CDHR1: variants seen among roughly 807,000 people sequenced by gnomAD.
CDHR1 encodes the protein cadherin-related family member 1.
In CDHR1, 61 loss-of-function variants were observed where a neutral mutation model predicts 72.1. The ratio of observed to expected loss-of-function variants is 0.85; its 90% CI spans 0.69 to 1.05. The LOEUF is 1.05. Among genes scored for constraint, CDHR1 ranks in the 50% least tolerant of loss-of-function variants. The pLI is 0.00. For synonymous variants in CDHR1, 470 were observed against 448.1 expected (o/e 1.05, Z -0.62); for missense variants, 1,186 against 1,115.7 (o/e 1.06, Z -0.90).
intron 5 of CDHR1, 89 bp from the exon 6 acceptor site, chr10:84,200,511 CG>C: frequency 1.2e-6 from 1 of 843,228 alleles, no homozygotes; most frequent in Non-Finnish European, 2.0e-6. Flanking sequence ...CTTCACTCCC[CG>C]ACCCCACTGC....
rs1049486175 is a variant in CDHR1 at position 84,218,483 on chromosome 10, G to T, written c.*3862G>T. 6 of 985,302 alleles carry T rather than the reference G, an allele frequency of 6.1e-6. No individual in the cohort carries two copies. Among genetic ancestry groups the T allele is most frequent in the Non-Finnish European group, 7.2e-6 (6 of 829,946 alleles). The allele number at this position is 985,302 out of a possible 1,614,324, so 61.0% of individuals were successfully genotyped here. A position where few individuals can be genotyped will look rare whatever the true frequency, so the allele number is the denominator to read the frequency against. On this transcript the variant is annotated 3_prime_UTR_variant, in exon 17 of 17. Transcript: ENST00000623527. ...TTCTGTGCCAGGCTCTCTTCTAGGT[G>T]TTAGGTGTATGTCTCTAACAAGATA...
At position 84,212,292 on chromosome 10, in the gene CDHR1, A is replaced by G; in HGVS notation, c.1667A>G (p.Lys556Arg). 1 of 1,614,246 alleles carries G rather than the reference A, an allele frequency of 6.2e-7. No individual in the cohort carries two copies. Among genetic ancestry groups the G allele is most frequent in the Non-Finnish European group, 8.5e-7 (1 of 1,180,042 alleles). Residue 556 changes from lysine to arginine, a missense_variant, in exon 15 of 17, where the codon AAG (lysine) becomes AGG (arginine). Lys to Arg is a conservative substitution (Grantham distance 26). Coordinates refer to ENST00000623527, the MANE Select transcript of CDHR1 (RefSeq NM_033100.4). ...FYVKAEDMEGKYSVAEVFITL... is the reference protein window; with the variant it reads ...FYVKAEDMEGRYSVAEVFITL... ...GTGAAGGCAGAGGACATGGAAGGCA[A>G]GTACAGCGTAGCTGAGGTGTTTATC...
intron 9 of CDHR1, 47 bp from the exon 10 acceptor site, chr10:84,205,780 C>A: frequency 7.3e-7 from 1 of 1,375,916 alleles, no homozygotes; most frequent in Non-Finnish European, 1.0e-6. Flanking sequence ...TCCCCTGCGC[C>A]TCCCTGTGGT....
rs1405505262 is a variant in CDHR1 at position 84,217,976 on chromosome 10, C to T, written c.*3355C>T. On this transcript the variant is annotated 3_prime_UTR_variant, in exon 17 of 17. Coordinates refer to ENST00000623527, the MANE Select transcript of CDHR1 (RefSeq NM_033100.4). ...TGTGATCAGAGCTGGGAAGGAGCCA[C>T]CATGCTCTGCTTCTCTAAGGATTTC... 2.0e-6 allele frequency: 2 copies of T among 985,346 alleles called. No homozygotes were observed. Among genetic ancestry groups the T allele is most frequent in the African/African-American group, 1.7e-5 (1 of 57,246 alleles). 61.0% of individuals were successfully genotyped at this position (985,346 alleles called of 1,614,324 possible).
chr10:84,203,772 C>T (rs937242842), intron 8 of CDHR1, among the ~76,000 whole-genome samples: 5 of 152,158 alleles, frequency 3.3e-5, no homozygotes, highest in African/African-American at 4.8e-5. Flanking sequence ...GTGGTGGAGA[C>T]GGGCTCAGAG....
Position 84,217,126 on chromosome 10 carries a change from T to C in CDHR1, c.*2505T>C, listed in dbSNP as rs1842438111. On this transcript the variant is annotated 3_prime_UTR_variant, in exon 17 of 17. Coordinates refer to ENST00000623527, the MANE Select transcript of CDHR1 (RefSeq NM_033100.4). ...AAACTTAAGGCACCGGCAAGTGTTG[T>C]CAGCACTGGAGGAGACCCCGCCAGT... 2 of 985,494 alleles carry C rather than the reference T, an allele frequency of 2.0e-6. No homozygotes were observed. Among genetic ancestry groups the C allele is most frequent in the East Asian group, 1.1e-4 (1 of 8,826 alleles). The allele number at this position is 985,494 out of a possible 1,614,324, so 61.0% of individuals were successfully genotyped here.
rs375173256 is a variant in CDHR1, at chr10:84,210,965, C to T, written c.1321-36C>T. On this transcript the variant is annotated intron_variant, in intron 12 of 16. Coordinates refer to ENST00000623527, the MANE Select transcript of CDHR1 (RefSeq NM_033100.4). ...GGAAGGCTCTCTGCAGCATGAGTGC[C>T]TACCCAGACAAGTCCCCATTTTCCC... 6 of 1,612,910 alleles carry T rather than the reference C, an allele frequency of 3.7e-6. No homozygotes were observed. In the African/African-American group the frequency reaches 6.7e-5, roughly 18 times the overall value.
chr10:84,214,516 C>G lies in CDHR1; in HGVS notation c.2475C>G (p.Pro825=), dbSNP rs1414351569. 6.2e-7 allele frequency: 1 copy of G among 1,604,104 alleles called. No individual in the cohort carries two copies. The highest frequency in any genetic ancestry group is 2.2e-5 in the East Asian group (1 of 44,870). ...SGSLTPQPTQ[P]PPKPKTMGSP... is the part of the protein sequence containing the mutation. ...CTCTCACTCCGCAGCCGACCCAACCCCCGCCAAAACCCAAAACTATGGGAA... is the reference window on the plus strand; with the variant it reads ...CTCTCACTCCGCAGCCGACCCAACCGCCGCCAAAACCCAAAACTATGGGAA... The change falls in exon 17 of 17, where the codon CCC becomes CCG. Residue 825 remains proline, a synonymous_variant. Transcript: ENST00000623527.
intron 10 of CDHR1, among the ~76,000 whole-genome samples, chr10:84,207,823 T>C (rs368490368): frequency 1.3e-5 from 2 of 152,198 alleles, no homozygotes; most frequent in East Asian, 1.9e-4. Flanking sequence ...TTGGTTTCCA[T>C]GCCCACCCAA....
At position 84,217,082 on chromosome 10, in the gene CDHR1, A is replaced by G. The variant is rs1842437562; in HGVS notation, c.*2461A>G. On this transcript the variant is annotated 3_prime_UTR_variant, in exon 17 of 17. Transcript: ENST00000623527. The stretch of plus-strand genomic sequence containing the variant: ...TAGCCAGCATGAGCCACACTAGGAA[A>G]GAGGAGGAGGGTGCAGCCAAACTTA... 5.1e-6 allele frequency: 5 copies of G among 985,722 alleles called. No individual in the cohort carries two copies. Among genetic ancestry groups the G allele is most frequent in the Non-Finnish European group, 6.0e-6 (5 of 830,176 alleles). The allele number at this position is 985,722 out of a possible 1,614,324, so 61.1% of individuals were successfully genotyped here. A position where few individuals can be genotyped will look rare whatever the true frequency, so the allele number is the denominator to read the frequency against.
At chr10:84,205,599 T>A (rs1215032915) in intron 9 of CDHR1, 4 of 601,906 alleles carry the variant, frequency 6.6e-6, no homozygotes, top group Middle Eastern at 4.4e-4. Flanking sequence ...CAGTATGGAA[T>A]GTGGGAGCTG....
chr10:84,201,868 C>T lies in CDHR1; in HGVS notation c.587C>T (p.Ala196Val). The T allele has an allele frequency of 6.2e-7, 1 of 1,609,298 alleles. No homozygotes were observed. The highest frequency in any genetic ancestry group is 1.3e-5 in the African/African-American group (1 of 75,068). Reference sequence around the variant, plus strand: ...GGTGTGCTGCGCCTCCAGGCTGGGGCCACTCTGGACTACGAGAGGTCCCGG... The same window carrying T: ...GGTGTGCTGCGCCTCCAGGCTGGGGTCACTCTGGACTACGAGAGGTCCCGG... ...HSGVLRLQAG[A>V]TLDYERSRTH... The change falls in exon 7 of 17, where the codon GCC becomes GTC. Residue 196 changes from alanine to valine, a missense_variant. By Grantham distance (64) the Ala-to-Val change is moderately conservative. Transcript: ENST00000623527.
chr10:84,204,738 G>C, intron 9 of CDHR1, 133 bp downstream of exon 9: 1 of 691,486 alleles, frequency 1.4e-6, no homozygotes, highest in South Asian at 1.6e-5. Flanking sequence ...AGGAAGGGCT[G>C]TGTCCAAGAC....
chr10:84,213,079 C>T lies in CDHR1; in HGVS notation c.1783-12C>T, dbSNP rs753830353. 33 of 1,614,102 alleles carry T rather than the reference C, an allele frequency of 2.0e-5. No homozygotes were observed. In the Middle Eastern group the frequency reaches 6.6e-4, roughly 32 times the overall value. On this transcript the variant is annotated splice_polypyrimidine_tract_variant and intron_variant, in intron 15 of 16. Transcript: ENST00000623527. ...CCAAAGCCCAGCTCTGTCTGTCTCT[C>T]CCTGCGCACAGGCCATAGACGAGGA...
At chr10:84,196,384 C>T (rs1842029613) in intron 2 of CDHR1, 121 bp from the exon 3 acceptor site, 11 of 1,077,522 alleles carry the variant, frequency 1.0e-5, no homozygotes, top group South Asian at 1.3e-5. Context: ...CAGGGCAGTA[C>T]CTTTGGCACT....
At chr10:84,208,416 G>A (rs369521137) in intron 11 of CDHR1, 39 bp downstream of exon 11, 56 of 1,603,462 alleles carry the variant, frequency 3.5e-5, no homozygotes, top group Middle Eastern at 1.6e-4. Context: ...TCTCACAAAC[G>A]GTATGAAGCC....
At position 84,208,267 on chromosome 10, in the gene CDHR1, T is replaced by A. The variant is rs1410023028; in HGVS notation, c.1057T>A (p.Phe353Ile). Reference protein sequence around the residue: ...IVDLNNHPPTFYGESGPQNRF... With the variant: ...IVDLNNHPPTIYGESGPQNRF... ...GGACCTCAACAACCACCCGCCAACA[T>A]TCTATGGAGAGAGCGGACCCCAAAA... The change falls in exon 11 of 17, where the codon TTC becomes ATC. Residue 353 changes from phenylalanine to isoleucine, a missense_variant. Coordinates refer to ENST00000623527, the MANE Select transcript of CDHR1 (RefSeq NM_033100.4). The A allele has an allele frequency of 1.9e-6, 3 of 1,614,008 alleles. No homozygotes were observed. In the African/African-American group the frequency reaches 4.0e-5, roughly 22 times the overall value.
rs372612164 is a variant in CDHR1, at chr10:84,204,561, G to A, written c.818G>A (p.Gly273Glu). The A allele has an allele frequency of 2.5e-6, 4 of 1,613,832 alleles. No individual in the cohort carries two copies. Among genetic ancestry groups the A allele is most frequent in the Non-Finnish European group, 2.5e-6 (3 of 1,179,852 alleles). Reference sequence around the variant, plus strand: ...GTACTGAAGGTGGTCGCCATGGATGGAGACCGGGGCAAACCCAATCGAATT... The same window carrying A: ...GTACTGAAGGTGGTCGCCATGGATGAAGACCGGGGCAAACCCAATCGAATT... ...SEVLKVVAMD[G>E]DRGKPNRILY... is the part of the protein sequence containing the mutation. The change falls in exon 9 of 17, where the codon GGA becomes GAA. Residue 273 changes from glycine (G) to glutamate (E), a missense_variant. Transcript: ENST00000623527.
intron 10 of CDHR1, among the ~76,000 whole-genome samples, chr10:84,207,833 A>G (rs774875849): frequency 1.2e-4 from 19 of 152,114 alleles, no homozygotes; most frequent in Non-Finnish European, 1.5e-4. Context: ...TGCCCACCCA[A>G]TTATTGGCAA....
Sources: gnomAD v4.1 joint callset for allele counts (sites outside exome capture counted in the v4.1 genomes callset) on GRCh38, gnomAD v4.1.1 for gene constraint, MANE v1.5 for transcripts, NCBI Gene and HGNC (gene_info 2026-07-23, HGNC 2026-07-21) for gene names.